CCDC171: variants seen among roughly 807,000 people sequenced by gnomAD.
CCDC171 encodes coiled-coil domain-containing protein 171.
Under a neutral mutation model 168.2 loss-of-function variants are expected in CCDC171, and 177 were observed. That is an observed-to-expected ratio of 1.05 (90% CI 0.93 to 1.19). The LOEUF (loss-of-function observed/expected upper bound fraction) is 1.19, where lower values mean the gene tolerates loss of function less well. Ranked by LOEUF, CCDC171 falls within the 50% of genes most tolerant of loss-of-function variation. CCDC171 has a pLI of 0.00. For synonymous variants in CCDC171, 687 were observed against 540.8 expected (o/e 1.27, Z -3.75); for missense variants, 1,991 against 1,539.0 (o/e 1.29, Z -4.91).
intron 21 of CCDC171, among the ~76,000 whole-genome samples, chr9:15,789,932 C>G (rs1170522101): frequency 6.6e-6 from 1 of 152,104 alleles, no homozygotes; most frequent in East Asian, 1.9e-4. Flanking sequence ...GACATGAACT[C>G]ATCCTTTTTT....
intron 21 of CCDC171, among the ~76,000 whole-genome samples, chr9:15,797,357 C>G (rs548502122): frequency 2.0e-5 from 3 of 152,224 alleles, no homozygotes; most frequent in Non-Finnish European, 2.9e-5. Flanking sequence ...GCTAGGACTA[C>G]AGGCGCATGC....
chr9:15,593,926 A>C, intron 5 of CCDC171, 115 bp from the exon 6 acceptor site: 1 of 652,160 alleles, frequency 1.5e-6, no homozygotes, highest in South Asian at 2.0e-5. Flanking sequence ...AACATGAATT[A>C]TGATGAGTTT....
chr9:15,563,621 T>A (rs2039491491), intron 1 of CCDC171, among the ~76,000 whole-genome samples: 1 of 152,190 alleles, frequency 6.6e-6, no homozygotes, highest in Non-Finnish European at 1.5e-5. Context: ...TCCAACCTAG[T>A]CTTTCAGGTC....
intron 21 of CCDC171, among the ~76,000 whole-genome samples, chr9:15,813,386 A>G (rs995893600): frequency 6.6e-6 from 1 of 152,232 alleles, no homozygotes; most frequent in African/African-American, 2.4e-5. Context: ...ACCAGTCAGG[A>G]CCATCTATTT....
In CCDC171 at chr9:15,637,352, C is replaced by CT. The variant is rs2046276622; in HGVS notation, c.822+13945dup. On this transcript the variant is annotated intron_variant, in intron 7 of 25. Coordinates refer to ENST00000380701, the MANE Select transcript of CCDC171 (RefSeq NM_173550.4). ...GTGGTTGTGCACAACCCGGTATTGA[C>CT]TTTTTTCTGTAAAATACTTAATTTC... Among the ~76,000 whole-genome samples, 3 of 152,024 alleles carry CT rather than the reference C, an allele frequency of 2.0e-5. No homozygotes were observed. The South Asian group carries it at 6.2e-4, about 31-fold the overall frequency.
At chr9:15,880,259 A>G (rs1299119305) in intron 24 of CCDC171, among the ~76,000 whole-genome samples, 1 of 152,206 alleles carries the variant, frequency 6.6e-6, no homozygotes, top group Non-Finnish European at 1.5e-5. Flanking sequence ...AAGTTATCAA[A>G]AAGATTTTGG....
intron 10 of CCDC171, 92 bp downstream of exon 10, chr9:15,678,988 A>G (rs781464213): frequency 2.8e-4 from 269 of 947,450 alleles, no homozygotes; most frequent in Non-Finnish European, 4.0e-4. Context: ...TCCATGAGAT[A>G]ATAGTATGCA....
At chr9:15,944,577 G>A (rs538706713) in intron 25 of CCDC171, among the ~76,000 whole-genome samples, 40 of 152,014 alleles carry the variant, frequency 2.6e-4, no homozygotes, top group African/African-American at 8.2e-4. Context: ...TGCTTATTAC[G>A]TATTGAAGCA....
In CCDC171 at chr9:15,957,031, G is replaced by GTT. The variant is rs60832172; in HGVS notation, c.3754-14566_3754-14565dup. On this transcript the variant is annotated intron_variant, in intron 25 of 25. Coordinates refer to ENST00000380701, the MANE Select transcript of CCDC171 (RefSeq NM_173550.4). ...TTTAACTTTAATCATCTAGAAGTCT[G>GTT]TTTTTTTTTTTTTGAGGAGCTTAAT... 2.6e-3 allele frequency among the ~76,000 whole-genome samples: 374 copies of GTT among 144,174 alleles called. 4 individuals are homozygous for GTT. The highest frequency in any genetic ancestry group is 4.2e-3 in the African/African-American group (165 of 39,416). 94.6% of individuals were successfully genotyped at this position (144,174 alleles called of 152,430 possible).
chr9:15,588,893 G>T (rs1289723538), intron 4 of CCDC171, among the ~76,000 whole-genome samples: 2 of 151,706 alleles, frequency 1.3e-5, no homozygotes, highest in African/African-American at 2.4e-5. Flanking sequence ...ATTTGTTTTG[G>T]TAGAGATGGG....
intron 25 of CCDC171, among the ~76,000 whole-genome samples, chr9:15,941,186 T>C (rs1374196206): frequency 2.0e-5 from 3 of 152,166 alleles, no homozygotes; most frequent in East Asian, 1.9e-4. Flanking sequence ...TTTCAGTTTC[T>C]ATTTTTTAGA....
chr9:16,060,317 C>T (rs1168176125), intron 1 of CCDC171, among the ~76,000 whole-genome samples: 3 of 152,158 alleles, frequency 2.0e-5, no homozygotes, highest in Non-Finnish European at 2.9e-5. Flanking sequence ...AAAAACGGAG[C>T]GATGACCGTG....
At chr9:15,853,963 T>C (rs1016928667) in intron 23 of CCDC171, among the ~76,000 whole-genome samples, 1 of 151,490 alleles carries the variant, frequency 6.6e-6, no homozygotes, top group Non-Finnish European at 1.5e-5. Flanking sequence ...TTGGTTATGG[T>C]GTATGATCTT....
In CCDC171 at chr9:15,785,854, A is replaced by G. The variant is rs1371839553; in HGVS notation, c.3267+1160A>G. On this transcript the variant is annotated intron_variant, in intron 21 of 25. Transcript: ENST00000380701. ...CTACATGAATTACTCATTTTAAACT[A>G]CCTCTGTGAGGTAGGTACTATTATT... 2.7e-5 allele frequency among the ~76,000 whole-genome samples: 4 copies of G among 150,890 alleles called. No individual in the cohort carries two copies. In the South Asian group the frequency reaches 8.4e-4, roughly 32 times the overall value.
chr9:15,709,167 A>T (rs1486560096), intron 11 of CCDC171, among the ~76,000 whole-genome samples: 1 of 152,198 alleles, frequency 6.6e-6, no homozygotes, highest in Non-Finnish European at 1.5e-5. Flanking sequence ...TGGGATTAAT[A>T]AGGAAAGAAT....
intron 21 of CCDC171, among the ~76,000 whole-genome samples, chr9:15,803,367 T>G (rs1237276064): frequency 6.6e-6 from 1 of 151,740 alleles, no homozygotes; most frequent in East Asian, 1.9e-4. Flanking sequence ...CCTAGTTTTT[T>G]TTCTAGGGTT....
chr9:16,045,622 G>A (rs1458829959), intron 1 of CCDC171, among the ~76,000 whole-genome samples: 1 of 152,168 alleles, frequency 6.6e-6, no homozygotes, highest in Admixed American at 6.5e-5. Flanking sequence ...GCTCTGAGAT[G>A]GTAAAGGCCA....
At chr9:15,687,282 C>T (rs534448012) in intron 10 of CCDC171, among the ~76,000 whole-genome samples, 1 of 152,218 alleles carries the variant, frequency 6.6e-6, no homozygotes, top group South Asian at 2.1e-4. Flanking sequence ...AAACTTACAA[C>T]CATAGTCATC....
the CCDC171 span, among the ~76,000 whole-genome samples, chr9:16,106,220 T>G: frequency 6.6e-6 from 1 of 152,362 alleles, no homozygotes; most frequent in South Asian, 2.1e-4. Flanking sequence ...CTCCATGTTT[T>G]TGTGGCTTGG....
Sources: allele counts gnomAD v4.1 joint callset (sites outside exome capture counted in the v4.1 genomes callset), GRCh38; gene constraint gnomAD v4.1.1; transcripts MANE v1.5; gene names NCBI Gene and HGNC (gene_info 2026-07-23, HGNC 2026-07-21).